The following NFATC3 variants were observed in gnomAD, a reference collection of about 807,000 sequenced individuals.
NFATC3 encodes the protein nuclear factor of activated T-cells, cytoplasmic 3.
NFATC3 carries 46 observed loss-of-function variants against 98.6 expected under a neutral mutation model. The observed-to-expected ratio is 0.47, with a 90% confidence interval of 0.37 to 0.60. NFATC3 has a LOEUF of 0.60. Among genes scored for constraint, NFATC3 ranks in the 20% least tolerant of loss-of-function variants. The pLI is 0.00. For missense variants in NFATC3, 1,256 were observed against 1,295.5 expected (o/e 0.97, Z 0.47); for synonymous variants, 512 against 472.2 (o/e 1.08, Z -1.09).
chr16:68,103,624 G>A (rs1050963340), intron 1 of NFATC3, among the ~76,000 whole-genome samples: 2 of 152,208 alleles, frequency 1.3e-5, no homozygotes, highest in African/African-American at 4.8e-5. Flanking sequence ...CGCCAAATCT[G>A]AAGTCTTGAC....
intron 4 of NFATC3, among the ~76,000 whole-genome samples, chr16:68,159,094 C>T (rs371802190): frequency 6.6e-5 from 10 of 152,218 alleles, no homozygotes; most frequent in African/African-American, 1.9e-4. Context: ...TAGCCGAGTG[C>T]GGTTGCGCCT....
At chr16:68,223,564 T>A (rs1436606032) in intron 9 of NFATC3, among the ~76,000 whole-genome samples, 9 of 152,102 alleles carry the variant, frequency 5.9e-5, no homozygotes, top group Non-Finnish European at 1.3e-4. Context: ...ATTGCACCAC[T>A]GCACTCCGGT....
chr16:68,213,962 G>T (rs1369486745), intron 9 of NFATC3, among the ~76,000 whole-genome samples: 2 of 152,098 alleles, frequency 1.3e-5, no homozygotes, highest in Admixed American at 6.6e-5. Flanking sequence ...ATTTTTATCA[G>T]TTGCCCAGAT....
intron 3 of NFATC3, among the ~76,000 whole-genome samples, chr16:68,139,668 C>G (rs1469561431): frequency 6.6e-6 from 1 of 152,198 alleles, no homozygotes; most frequent in Non-Finnish European, 1.5e-5. Flanking sequence ...TACCACCTAC[C>G]TTGTAGCCAA....
intron 9 of NFATC3, among the ~76,000 whole-genome samples, chr16:68,193,581 A>G (rs940504758): frequency 6.6e-6 from 1 of 152,102 alleles, no homozygotes; most frequent in Admixed American, 6.6e-5. Context: ...AAGTGGGAGG[A>G]TCGCTTGAGT....
At chr16:68,209,753 T>C in intron 9 of NFATC3, 1 of 475,342 alleles carries the variant, frequency 2.1e-6, no homozygotes, top group South Asian at 1.6e-5. Flanking sequence ...CCCCGTAAAG[T>C]GGTTCGTTGC....
chr16:68,182,437 T>G (rs1333726936), intron 7 of NFATC3, among the ~76,000 whole-genome samples: 5 of 152,210 alleles, frequency 3.3e-5, no homozygotes, highest in Non-Finnish European at 7.3e-5. Flanking sequence ...ATTTTCACCT[T>G]GGTTTTGTAA....
At chr16:68,110,330 A>G (rs2035877466) in intron 1 of NFATC3, among the ~76,000 whole-genome samples, 1 of 121,816 alleles carries the variant, frequency 8.2e-6, no homozygotes, top group African/African-American at 3.2e-5. Context: ...TTTTTTCGAG[A>G]CGAAGTCTCG....
intron 1 of NFATC3, among the ~76,000 whole-genome samples, chr16:68,118,354 C>T (rs192494417): frequency 1.1e-4 from 16 of 152,164 alleles, no homozygotes; most frequent in Admixed American, 5.9e-4. Context: ...TTAATGAGGG[C>T]GGGGGACCAT....
intron 8 of NFATC3, 89 bp from the exon 9 acceptor site, chr16:68,190,679 C>T (rs7199588): frequency 0.14 from 197,567 of 1,374,690 alleles, 15,652 homozygotes; most frequent in African/African-American, 0.29. Context: ...CCTCAGCTTA[C>T]GCTGTAGTTG....
intron 8 of NFATC3, among the ~76,000 whole-genome samples, chr16:68,188,122 C>T (rs765163398): frequency 5.9e-5 from 9 of 152,294 alleles, no homozygotes; most frequent in Non-Finnish European, 8.8e-5. Flanking sequence ...GGCTGGGTTG[C>T]AACATCACCC....
chr16:68,161,883 C>G (rs1481203122), intron 4 of NFATC3, among the ~76,000 whole-genome samples: 1 of 152,112 alleles, frequency 6.6e-6, no homozygotes. Context: ...GCTCATATCC[C>G]AAATAATATG....
At chr16:68,135,589 A>C (rs1316265839) in intron 3 of NFATC3, among the ~76,000 whole-genome samples, 1 of 152,046 alleles carries the variant, frequency 6.6e-6, no homozygotes, top group East Asian at 1.9e-4. Context: ...TTCTTATCTA[A>C]ATATGGAAGA....
chr16:68,193,267 T>TG (rs1368025547), intron 9 of NFATC3, among the ~76,000 whole-genome samples: 3 of 151,918 alleles, frequency 2.0e-5, no homozygotes, highest in African/African-American at 4.8e-5. Flanking sequence ...GATTTTGGTA[T>TG]GGGGGGGTTG....
intron 9 of NFATC3, chr16:68,214,444 T>C (rs1428853308): frequency 2.5e-6 from 4 of 1,608,190 alleles, no homozygotes; most frequent in Non-Finnish European, 3.4e-6. Flanking sequence ...TGAGTGTTGA[T>C]TGAAATGTGT....
intron 1 of NFATC3, among the ~76,000 whole-genome samples, chr16:68,112,862 T>G (rs2036056507): frequency 6.6e-6 from 1 of 151,984 alleles, no homozygotes; most frequent in Non-Finnish European, 1.5e-5. Flanking sequence ...TATCCTTTCC[T>G]CTGCCTGGTC....
At chr16:68,219,176 G>T (rs1448462274) in intron 9 of NFATC3, among the ~76,000 whole-genome samples, 1 of 151,740 alleles carries the variant, frequency 6.6e-6, no homozygotes, top group Non-Finnish European at 1.5e-5. Flanking sequence ...ACAAGGTCAG[G>T]AGTTTGAGAC....
intron 9 of NFATC3, chr16:68,217,600 T>C (rs2041687539): frequency 8.2e-7 from 1 of 1,215,488 alleles, no homozygotes; most frequent in African/African-American, 1.6e-5. Flanking sequence ...ATTAGCTAAG[T>C]GAGTATAATG....
chr16:68,214,448 A>G (rs1435421179), intron 9 of NFATC3: 1 of 1,606,124 alleles, frequency 6.2e-7, no homozygotes, highest in Non-Finnish European at 8.5e-7. Context: ...TGTTGATTGA[A>G]ATGTGTCATT....
Sources: gnomAD v4.1 joint callset for allele counts (sites outside exome capture counted in the v4.1 genomes callset) on GRCh38, gnomAD v4.1.1 for gene constraint, MANE v1.5 for transcripts, NCBI Gene and HGNC (gene_info 2026-07-23, HGNC 2026-07-21) for gene names.